The following TTLL11 variants were observed in gnomAD, a reference collection of about 807,000 sequenced individuals.
TTLL11 encodes tubulin tyrosine ligase like 11, also known as tubulin polyglutamylase TTLL11.
A neutral mutation model predicts 51.7 loss-of-function variants in TTLL11; 42 were observed. That is an observed-to-expected ratio of 0.81 (90% confidence interval 0.64 to 1.05). The LOEUF (loss-of-function observed/expected upper bound fraction) is 1.05, where lower values mean the gene tolerates loss of function less well. Ranked by LOEUF, TTLL11 falls within the 50% of genes least tolerant of loss-of-function variation. The probability of loss-of-function intolerance (pLI) is 0.00; values close to 1 mark genes in which losing one functional copy is unlikely to be tolerated. For missense variants in TTLL11, 799 were observed against 940.4 expected (o/e 0.85, Z 1.97); for synonymous variants, 381 against 383.5 (o/e 0.99, Z 0.08).
At chr9:122,087,692 C>T (rs1057205167) in intron 1 of TTLL11, among the ~76,000 whole-genome samples, 2 of 152,156 alleles carry the variant, frequency 1.3e-5, no homozygotes, top group South Asian at 4.1e-4. Flanking sequence ...GTGGCGTCTA[C>T]TCTCTATGGT....
chr9:122,069,582 T>C (rs1268593195), intron 1 of TTLL11, among the ~76,000 whole-genome samples: 2 of 152,148 alleles, frequency 1.3e-5, no homozygotes, highest in East Asian at 3.9e-4. Context: ...CTCAGGAAGC[T>C]GAGGCGGGAG....
intron 3 of TTLL11, among the ~76,000 whole-genome samples, chr9:122,031,503 T>C (rs1270991973): frequency 6.6e-6 from 1 of 152,196 alleles, no homozygotes; most frequent in Admixed American, 6.5e-5. Flanking sequence ...GGCTGTCTCC[T>C]TGTGTCAAGA....
At chr9:121,899,360 T>TGG (rs1839661605) in intron 6 of TTLL11, among the ~76,000 whole-genome samples, 1 of 96,446 alleles carries the variant, frequency 1.0e-5, no homozygotes, top group South Asian at 4.2e-4. Context: ...TGTGTATGTG[T>TGG]GTGTGTATAT....
intron 1 of TTLL11, among the ~76,000 whole-genome samples, chr9:122,039,907 C>G (rs867413366): frequency 7.2e-5 from 11 of 151,884 alleles, no homozygotes; most frequent in Middle Eastern, 3.4e-3. Flanking sequence ...CACACACATA[C>G]ACACACACAT....
Position 121,826,537 on chromosome 9 carries a change from G to GTATATATA in TTLL11, c.1841-3666_1841-3659dup, listed in dbSNP as rs1157615086. On this transcript the variant is annotated intron_variant, in intron 8 of 8. Coordinates refer to ENST00000321582, the MANE Select transcript of TTLL11 (RefSeq NM_001139442.2). The stretch of plus-strand genomic sequence containing the variant: ...TATGTATATATATATATGTGTGTGT[G>GTATATATA]TATATATATATATGTGTGTGTATAT... 2.6e-3 allele frequency among the ~76,000 whole-genome samples: 124 copies of GTATATATA among 46,964 alleles called. 1 individual carries two copies. Among genetic ancestry groups the GTATATATA allele is most frequent in the African/African-American group, 0.013 (107 of 8,074 alleles). The allele number at this position is 46,964 out of a possible 152,430, so 30.8% of individuals were successfully genotyped here.
At chr9:122,018,174 T>G (rs12352190) in intron 3 of TTLL11, among the ~76,000 whole-genome samples, 64,523 of 148,256 alleles carry the variant, frequency 0.44, 15,956 homozygotes, top group African/African-American at 0.68. Flanking sequence ...GTGCAGTGGC[T>G]CAATCTCCAC....
At chr9:121,918,752 G>A (rs147341016) in intron 6 of TTLL11, among the ~76,000 whole-genome samples, 46 of 152,186 alleles carry the variant, frequency 3.0e-4, no homozygotes, top group Admixed American at 1.4e-3. Flanking sequence ...ATAAACTGTG[G>A]GAATATTCAC....
chr9:121,956,871 T>A (rs1842035524), intron 6 of TTLL11, among the ~76,000 whole-genome samples: 1 of 152,236 alleles, frequency 6.6e-6, no homozygotes. Context: ...GCTCCTCTTC[T>A]GTCCTTACTC....
chr9:122,035,714 T>A (rs1277036476), intron 2 of TTLL11, among the ~76,000 whole-genome samples: 1 of 152,238 alleles, frequency 6.6e-6, no homozygotes, highest in African/African-American at 2.4e-5. Context: ...GACTCTTAGC[T>A]ACATCTCTGT....
chr9:121,879,465 G>A (rs186175930), intron 6 of TTLL11, among the ~76,000 whole-genome samples: 3 of 152,330 alleles, frequency 2.0e-5, no homozygotes, highest in Admixed American at 6.5e-5. Flanking sequence ...GAAGTAATGC[G>A]TGAGAGAGAA....
intron 6 of TTLL11, among the ~76,000 whole-genome samples, chr9:121,898,120 G>A (rs1182555474): frequency 6.6e-6 from 1 of 152,114 alleles, no homozygotes; most frequent in African/African-American, 2.4e-5. Flanking sequence ...GTTTCACCAT[G>A]TTGGCCAGGC....
intron 6 of TTLL11, among the ~76,000 whole-genome samples, chr9:121,884,399 G>A (rs775689632): frequency 3.3e-5 from 5 of 152,104 alleles, no homozygotes; most frequent in Admixed American, 1.3e-4. Flanking sequence ...TAACAAGCGC[G>A]GAGCTGAAGT....
intron 6 of TTLL11, chr9:121,963,647 T>C (rs528722510): frequency 2.0e-5 from 3 of 152,198 alleles, no homozygotes; most frequent in East Asian, 3.8e-4. Context: ...GATGGCCCTG[T>C]GGAATGACAC....
intron 1 of TTLL11, among the ~76,000 whole-genome samples, chr9:122,082,630 T>C (rs1325765874): frequency 6.6e-6 from 1 of 152,170 alleles, no homozygotes; most frequent in Non-Finnish European, 1.5e-5. Context: ...TATTAGGTTG[T>C]TAAAATGAAA....
Position 121,853,451 on chromosome 9 carries a change from AG to A in TTLL11, c.1840+6885del. 3.6e-5 allele frequency among the ~76,000 whole-genome samples: 1 copy of A among 28,116 alleles called. No homozygotes were observed. Among genetic ancestry groups the A allele is most frequent in the Non-Finnish European group, 6.9e-5 (1 of 14,522 alleles). The allele number at this position is 28,116 out of a possible 152,430, so 18.4% of individuals were successfully genotyped here. ...CTGGGGGGTGGTGGTGAGCAAGGAG[AG>A]GGGGTTCCTGCAGAGGTGGGGGCCT... is the stretch of plus-strand genomic sequence containing the variant. On this transcript the variant is annotated intron_variant, in intron 8 of 8. Coordinates refer to ENST00000321582, the MANE Select transcript of TTLL11 (RefSeq NM_001139442.2). The surrounding 1 kb of genome is among the most constrained non-coding windows in gnomAD (Gnocchi z 5.6).
intron 1 of TTLL11, among the ~76,000 whole-genome samples, chr9:122,068,731 C>T (rs1027634958): frequency 6.6e-6 from 1 of 152,188 alleles, no homozygotes; most frequent in Admixed American, 6.5e-5. Flanking sequence ...GGGTGTTCAC[C>T]GAAATCCATT....
intron 3 of TTLL11, among the ~76,000 whole-genome samples, chr9:121,999,452 C>A (rs923786238): frequency 6.6e-6 from 1 of 152,156 alleles, no homozygotes; most frequent in African/African-American, 2.4e-5. Flanking sequence ...TGTCCCCAAG[C>A]CAGAGATCTG....
intron 3 of TTLL11, among the ~76,000 whole-genome samples, chr9:122,017,037 G>T (rs1477122649): frequency 2.0e-5 from 3 of 151,980 alleles, no homozygotes; most frequent in African/African-American, 7.2e-5. Flanking sequence ...TGAAGAGCAG[G>T]GTAACATGGG....
At chr9:122,061,405 T>G (rs188151665) in intron 1 of TTLL11, among the ~76,000 whole-genome samples, 2 of 152,184 alleles carry the variant, frequency 1.3e-5, no homozygotes, top group East Asian at 3.9e-4. Context: ...TGCTTTCCAG[T>G]TTTTCCATTA....
Sources: allele counts gnomAD v4.1 joint callset (sites outside exome capture counted in the v4.1 genomes callset), GRCh38; gene constraint gnomAD v4.1.1; non-coding constraint Gnocchi (gnomAD v3.1); transcripts MANE v1.5; gene names NCBI Gene and HGNC (gene_info 2026-07-23, HGNC 2026-07-21).